The following RBM34 variants were observed in gnomAD, a reference collection of about 807,000 sequenced individuals.
RBM34 encodes RNA binding motif protein 34.
A neutral mutation model predicts 44.6 loss-of-function variants in RBM34; 39 were observed. That is an observed-to-expected ratio of 0.87 (90% CI 0.68 to 1.14). The LOEUF (loss-of-function observed/expected upper bound fraction) is 1.14, where lower values mean the gene tolerates loss of function less well. Among genes scored for constraint, RBM34 ranks in the 50% most tolerant of loss-of-function variants. RBM34 has a pLI of 0.00. For synonymous variants in RBM34, 194 were observed against 184.0 expected (o/e 1.05, Z -0.44); for missense variants, 572 against 517.9 (o/e 1.10, Z -1.01).
chr1:235,137,765 C>G, intron 8 of RBM34, 112 bp downstream of exon 8: 1 of 794,352 alleles, frequency 1.3e-6, no homozygotes, highest in South Asian at 1.9e-5. Flanking sequence ...AGGCTGTTTC[C>G]TTCTGCGCTT....
rs533541480 is a variant in RBM34, at chr1:235,161,249, C to T, written c.-23G>A. 3.7e-6 allele frequency: 6 copies of T among 1,613,262 alleles called. No homozygotes were observed. In the East Asian group the frequency reaches 1.1e-4, roughly 30 times the overall value. Reference sequence around the variant, plus strand: ...CATTCTTACTCCAAAGACTCCCAGACTGCAGCTGCGCGCCAGCTCGCACTT... The same window carrying T: ...CATTCTTACTCCAAAGACTCCCAGATTGCAGCTGCGCGCCAGCTCGCACTT... On this transcript the variant is annotated 5_prime_UTR_variant, in exon 1 of 11. Transcript: ENST00000408888.
In RBM34 at chr1:235,155,089, T is replaced by C; in HGVS notation, c.389A>G (p.Asp130Gly). The C allele has an allele frequency of 6.2e-7, 1 of 1,613,620 alleles. No individual in the cohort carries two copies. Among genetic ancestry groups the C allele is most frequent in the Non-Finnish European group, 8.5e-7 (1 of 1,179,974 alleles). Residue 130 changes from aspartate to glycine, a missense_variant, in exon 4 of 11, where the codon GAT becomes GGT. By Grantham distance (94) the Asp-to-Gly change is moderately conservative. Coordinates refer to ENST00000408888, the MANE Select transcript of RBM34 (RefSeq NM_015014.4). ...ADRESALASA[D>G]LEEEIHQKQG... is the part of the protein sequence containing the mutation. ...TTTCTGGTGAATTTCTTCTTCTAAA[T>C]CAGCACTCGCTAGAGCGCTTTCCCT...
intron 10 of RBM34, among the ~76,000 whole-genome samples, chr1:235,133,922 G>GTGC (rs1189964826): frequency 1.3e-5 from 2 of 152,126 alleles, no homozygotes; most frequent in African/African-American, 4.8e-5. Context: ...GAGTGCAGTG[G>GTGC]TGCAATCATG....
chr1:235,156,710 G>C (rs1328355541), intron 3 of RBM34: 1 of 431,758 alleles, frequency 2.3e-6, no homozygotes, highest in Non-Finnish European at 4.7e-6. Context: ...TGAGGGAAGA[G>C]AAGAGCTAAT....
intron 5 of RBM34, among the ~76,000 whole-genome samples, 187 bp from the exon 6 acceptor site, chr1:235,148,634 T>C (rs1369999138): frequency 6.6e-6 from 1 of 151,528 alleles, no homozygotes; most frequent in African/African-American, 2.4e-5. Context: ...AGTCTCACAC[T>C]GTCACCCAGG....
Position 235,135,713 on chromosome 1 carries a change from A to G in RBM34, c.947T>C (p.Val316Ala), listed in dbSNP as rs374992259. 66 of 1,614,136 alleles carry G rather than the reference A, an allele frequency of 4.1e-5. No individual in the cohort carries two copies. The African/African-American group carries it at 6.9e-4, about 17-fold the overall frequency. The change falls in exon 10 of 11, where the codon GTG becomes GCG. Residue 316 changes from valine to alanine, a missense_variant. Coordinates refer to ENST00000408888, the MANE Select transcript of RBM34 (RefSeq NM_015014.4). Reference protein sequence around the residue: ...HFLDCGSIMAVRIVRDKMTGI... With the variant: ...HFLDCGSIMAARIVRDKMTGI... ...TGTCATTTTGTCTCTCACAATCCTC[A>G]CGGCCATGATACTTCCACAGTCCAG... is the stretch of plus-strand genomic sequence containing the variant.
intron 5 of RBM34, 131 bp from the exon 6 acceptor site, chr1:235,148,578 C>G (rs2102848032): frequency 1.7e-6 from 1 of 601,736 alleles, no homozygotes; most frequent in Non-Finnish European, 2.5e-6. Flanking sequence ...ATAAACAAAT[C>G]AGAAACAACT....
chr1:235,160,978 T>C lies in RBM34; in HGVS notation c.143A>G (p.His48Arg). 1 of 1,614,146 alleles carries C rather than the reference T, an allele frequency of 6.2e-7. No homozygotes were observed. Among genetic ancestry groups the C allele is most frequent in the East Asian group, 2.2e-5 (1 of 44,872 alleles). The change falls in exon 2 of 11, where the codon CAT (histidine) becomes CGT (arginine). Residue 48 changes from histidine (H) to arginine (R), a missense_variant. By Grantham distance (29) the His-to-Arg change is conservative. Coordinates refer to ENST00000408888, the MANE Select transcript of RBM34 (RefSeq NM_015014.4). ...VASSLFRGEH[H>R]SRGGTGRLAS... is the part of the protein sequence containing the mutation. ...CAGCCGACCGGTGCCACCTCTGGAA[T>C]GGTGTTCGCCGCGAAATAAGCTACT...
At position 235,131,838 on chromosome 1, in the gene RBM34, TA is replaced by T. The variant is rs894157560; in HGVS notation, c.1167del (p.Phe389LeufsTer64). The T allele has an allele frequency of 6.2e-7, 1 of 1,614,068 alleles. No individual in the cohort carries two copies. Among genetic ancestry groups the T allele is most frequent in the African/African-American group, 1.3e-5 (1 of 74,940 alleles). On this transcript the variant is annotated frameshift_variant, in exon 11 of 11. Coordinates refer to ENST00000408888, the MANE Select transcript of RBM34 (RefSeq NM_015014.4). LOFTEE classifies it high-confidence loss of function. The part of the protein sequence containing the change: ...NVSKPKQGLN[F>X]TSKTAEGHPK... ...GGATGTCCTTCTGCAGTTTTGGAAG[TA>T]AAATTAAGTCCCTGCTTAGGTTTAC...
chr1:235,135,531 G>A (rs1661390603), intron 10 of RBM34, 121 bp downstream of exon 10: 1 of 923,404 alleles, frequency 1.1e-6, no homozygotes, highest in Non-Finnish European at 1.7e-6. Flanking sequence ...ACCTAGCCCA[G>A]TTTTCTTAAG....
Position 235,155,420 on chromosome 1 carries a change from C to A in RBM34, c.366-308G>T, listed in dbSNP as rs956660556. Among the ~76,000 whole-genome samples the A allele has an allele frequency of 4.0e-5, 6 of 151,450 alleles. No individual in the cohort carries two copies. In the East Asian group the frequency reaches 1.2e-3, roughly 29 times the overall value. ...GTAGCAGCGTAATCACAGCTCACTG[C>A]AGCCTCAACCTCCCAGGCTCAGGCA... On this transcript the variant is annotated intron_variant, in intron 3 of 10. Coordinates refer to ENST00000408888, the MANE Select transcript of RBM34 (RefSeq NM_015014.4).
chr1:235,157,597 C>G (rs983858281), intron 3 of RBM34, among the ~76,000 whole-genome samples: 2 of 152,124 alleles, frequency 1.3e-5, no homozygotes, highest in East Asian at 1.9e-4. Context: ...ACAAGAGATA[C>G]TGCCCCCAAC....
At chr1:235,141,575 C>T (rs1018281516) in intron 6 of RBM34, among the ~76,000 whole-genome samples, 5 of 152,150 alleles carry the variant, frequency 3.3e-5, no homozygotes, top group African/African-American at 7.2e-5. Context: ...GCAAGCCACT[C>T]GGGTCCCCTT....
intron 5 of RBM34, among the ~76,000 whole-genome samples, chr1:235,149,225 A>G (rs969771745): frequency 6.6e-6 from 1 of 151,782 alleles, no homozygotes; most frequent in African/African-American, 2.4e-5. Flanking sequence ...CATCTCTACT[A>G]GAAATACAAA....
intron 4 of RBM34, among the ~76,000 whole-genome samples, chr1:235,154,389 T>A (rs754853431): frequency 2.8e-5 from 4 of 144,374 alleles, no homozygotes; most frequent in Non-Finnish European, 3.0e-5. Flanking sequence ...CTGGGCAACA[T>A]AGTCACAAAA....
Position 235,155,049 on chromosome 1 carries a change from C to A in RBM34, c.429G>T (p.Arg143Ser). The A allele has an allele frequency of 1.9e-6, 3 of 1,613,974 alleles. No homozygotes were observed. The highest frequency in any genetic ancestry group is 2.5e-6 in the Non-Finnish European group (3 of 1,179,982). The change falls in exon 4 of 11, where the codon AGG (arginine) becomes AGT (serine). Residue 143 changes from arginine (R) to serine (S), a missense_variant. Physicochemically the swap from Arg to Ser is moderately radical, Grantham distance 110. Coordinates refer to ENST00000408888, the MANE Select transcript of RBM34 (RefSeq NM_015014.4). ...CTTTAACACCAGGTTGAGAATTTTTCCTTTTCTGCCCTTGTTTCTGGTGAA... is the reference window on the plus strand; with the variant it reads ...CTTTAACACCAGGTTGAGAATTTTTACTTTTCTGCCCTTGTTTCTGGTGAA... ...EEIHQKQGQK[R>S]KNSQPGVKVA...
At chr1:235,152,123 C>A (rs549170282) in intron 5 of RBM34, among the ~76,000 whole-genome samples, 1 of 152,022 alleles carries the variant, frequency 6.6e-6, no homozygotes, top group East Asian at 1.9e-4. Context: ...GGTACGTCAA[C>A]TAACTATGCC....
At chr1:235,152,676 T>C in intron 5 of RBM34, 30 bp downstream of exon 5, 1 of 1,593,000 alleles carries the variant, frequency 6.3e-7, no homozygotes, top group Non-Finnish European at 8.6e-7. Flanking sequence ...ATTTTAATAT[T>C]ATGTAATTTT....
intron 10 of RBM34, among the ~76,000 whole-genome samples, chr1:235,135,319 C>G (rs546028498): frequency 5.3e-5 from 8 of 151,882 alleles, no homozygotes; most frequent in Non-Finnish European, 7.4e-5. Flanking sequence ...ACCTCCACCT[C>G]CCGGGTTCAA....
Sources: gnomAD v4.1 joint callset for allele counts (sites outside exome capture counted in the v4.1 genomes callset) on GRCh38, gnomAD v4.1.1 for gene constraint, MANE v1.5 for transcripts, NCBI Gene and HGNC (gene_info 2026-07-23, HGNC 2026-07-21) for gene names.